The following ACACB variants were observed in gnomAD, a reference collection of about 807,000 sequenced individuals.
ACACB encodes the protein acetyl-CoA carboxylase 2.
A neutral mutation model predicts 278.8 loss-of-function variants in ACACB; 209 were observed. That is an observed-to-expected ratio of 0.75 (90% CI 0.67 to 0.84). The LOEUF (loss-of-function observed/expected upper bound fraction) is 0.84, where lower values mean the gene tolerates loss of function less well. ACACB is among the 40% of genes least tolerant of loss of function. ACACB has a pLI of 0.00. For missense variants in ACACB, 2,850 were observed against 3,269.0 expected, an observed-to-expected ratio of 0.87 and a Z score of 3.13; for synonymous variants, 1,174 against 1,285.6, an observed-to-expected ratio of 0.91 and a Z score of 1.86.
chr12:109,214,562 T>G (rs2045939390), intron 22 of ACACB, among the ~76,000 whole-genome samples: 1 of 152,200 alleles, frequency 6.6e-6, no homozygotes, highest in African/African-American at 2.4e-5. Context: ...ATTAATAAAT[T>G]AACTGAATTT....
At chr12:109,158,174 C>A (rs1356679556) in intron 2 of ACACB, among the ~76,000 whole-genome samples, 2 of 152,120 alleles carry the variant, frequency 1.3e-5, no homozygotes, top group Non-Finnish European at 2.9e-5. Flanking sequence ...TATAAACGGC[C>A]AGACAGTAAA....
chr12:109,112,431 G>T (rs2042322737), upstream of ACACB, among the ~76,000 whole-genome samples: 3 of 151,818 alleles, frequency 2.0e-5, no homozygotes, highest in South Asian at 6.2e-4. Context: ...AGCCAGGTGT[G>T]GGGGCTCACG....
chr12:109,208,916 C>T (rs993998915), intron 20 of ACACB, among the ~76,000 whole-genome samples: 1 of 152,158 alleles, frequency 6.6e-6, no homozygotes, highest in Admixed American at 6.5e-5. Flanking sequence ...TTTGATCCCC[C>T]ACACCATGCT....
At chr12:109,175,498 C>T (rs1386909484) in intron 7 of ACACB, among the ~76,000 whole-genome samples, 2 of 152,168 alleles carry the variant, frequency 1.3e-5, no homozygotes, top group African/African-American at 4.8e-5. Flanking sequence ...TCACAGCAGT[C>T]TTGACCTCCT....
Position 109,239,828 on chromosome 12 carries a change from A to C in ACACB, c.4663-2A>C. The C allele has an allele frequency of 1.9e-6, 3 of 1,610,032 alleles. No individual in the cohort carries two copies. Among genetic ancestry groups the C allele is most frequent in the Non-Finnish European group, 2.5e-6 (3 of 1,177,930 alleles). Reference sequence around the variant, plus strand: ...GCAGCTGCCCCTCCCACTCTTTGGCAGGAAGCCTCCTTCGAATACCTGCAG... The same window carrying C: ...GCAGCTGCCCCTCCCACTCTTTGGCCGGAAGCCTCCTTCGAATACCTGCAG... On this transcript the variant is annotated splice_acceptor_variant, in intron 34 of 52. Transcript: ENST00000338432. LOFTEE classifies it high-confidence loss of function.
chr12:109,258,109 C>T (rs2047277617), intron 45 of ACACB, among the ~76,000 whole-genome samples, 159 bp from the exon 46 acceptor site: 1 of 152,222 alleles, frequency 6.6e-6, no homozygotes, highest in African/African-American at 2.4e-5. Flanking sequence ...CCTTTCGAGG[C>T]TCTTACCATT....
At chr12:109,150,510 C>T (rs1290939941) in intron 2 of ACACB, among the ~76,000 whole-genome samples, 1 of 152,200 alleles carries the variant, frequency 6.6e-6, no homozygotes, top group Non-Finnish European at 1.5e-5. Context: ...CCACCATTTA[C>T]GACCATGTTG....
Position 109,175,984 on chromosome 12 carries a change from G to A in ACACB, c.1270G>A (p.Val424Ile), listed in dbSNP as rs2044270009. The A allele has an allele frequency of 6.2e-7, 1 of 1,614,172 alleles. No individual in the cohort carries two copies. The highest frequency in any genetic ancestry group is 2.2e-5 in the East Asian group (1 of 44,892). The part of the protein sequence containing the change: ...DDLQQGKRIS[V>I]PEDVYDKGCV... ...TCTGCAGCAGGGAAAAAGAATCAGTGTCCCAGAAGATGTTTATGACAAGGG... is the reference window on the plus strand; with the variant it reads ...TCTGCAGCAGGGAAAAAGAATCAGTATCCCAGAAGATGTTTATGACAAGGG... The change falls in exon 8 of 53, where the codon GTC becomes ATC. Residue 424 changes from valine (V) to isoleucine (I), a missense_variant. Physicochemically the swap from Val to Ile is conservative, Grantham distance 29. Transcript: ENST00000338432.
At chr12:109,262,582 T>C in intron 49 of ACACB, 113 bp downstream of exon 49, 1 of 623,738 alleles carries the variant, frequency 1.6e-6, no homozygotes, top group Non-Finnish European at 2.8e-6. Flanking sequence ...AAAATACAGC[T>C]ATAATAACTG....
chr12:109,151,455 A>T (rs73197473), intron 2 of ACACB, among the ~76,000 whole-genome samples: 2,812 of 152,164 alleles, frequency 0.018, 26 homozygotes, highest in East Asian at 0.028. Context: ...TACTTAATGT[A>T]ACACAGTCCC....
chr12:109,168,010 C>T lies in ACACB; in HGVS notation c.901C>T (p.Pro301Ser), dbSNP rs1292751431. The change falls in exon 4 of 53, where the codon CCC (proline) becomes TCC (serine). Residue 301 changes from proline to serine, a missense_variant. This residue lies in a region of ACACB where 2,265 missense variants were observed against 2,561.3 expected (regional missense o/e 0.88). Coordinates refer to ENST00000338432, the MANE Select transcript of ACACB (RefSeq NM_001093.4). ...CATCCGGTTTGTTGTGATGGTGACC[C>T]CCGAGGACCTTAAGGCCAACGCAGG... is the stretch of plus-strand genomic sequence containing the variant. ...RAIRFVVMVT[P>S]EDLKANAEYI... The T allele has an allele frequency of 7.4e-6, 12 of 1,612,890 alleles. No homozygotes were observed. The Admixed American group carries it at 2.0e-4, about 27-fold the overall frequency.
At chr12:109,235,701 T>G in intron 33 of ACACB, 54 bp downstream of exon 33, 1 of 1,526,610 alleles carries the variant, frequency 6.6e-7, no homozygotes. Context: ...TTTTATTTTT[T>G]AAGAGATGGG....
chr12:109,225,220 T>C (rs1376430629), intron 27 of ACACB, among the ~76,000 whole-genome samples: 1 of 152,220 alleles, frequency 6.6e-6, no homozygotes, highest in Non-Finnish European at 1.5e-5. Context: ...CTTGAACTGC[T>C]ACGCTCAAGC....
chr12:109,127,708 G>A (rs1290188916), intron 1 of ACACB, among the ~76,000 whole-genome samples: 2 of 152,116 alleles, frequency 1.3e-5, no homozygotes, highest in African/African-American at 2.4e-5. Flanking sequence ...TGCTGTCCCC[G>A]AACATTTGTT....
At chr12:109,163,885 A>T (rs2043816669) in intron 2 of ACACB, among the ~76,000 whole-genome samples, 1 of 152,216 alleles carries the variant, frequency 6.6e-6, no homozygotes, top group African/African-American at 2.4e-5. Context: ...CCTGACCTTA[A>T]GTGATCTTCC....
At chr12:109,182,562 G>T (rs1369672589) in intron 11 of ACACB, among the ~76,000 whole-genome samples, 1 of 152,026 alleles carries the variant, frequency 6.6e-6, no homozygotes, top group East Asian at 1.9e-4. Context: ...TACAGATAAG[G>T]TCTCACTATG....
At position 109,174,140 on chromosome 12, in the gene ACACB, A is replaced by C. The variant is rs774280400; in HGVS notation, c.1126A>C (p.Ser376Arg). Reference sequence around the variant, plus strand: ...TGTCCCCGATTCCTCAGGCCCTCCCAGTGAGGCCATGTGGGCCTTAGGAGA... The same window carrying C: ...TGTCCCCGATTCCTCAGGCCCTCCCCGTGAGGCCATGTGGGCCTTAGGAGA... ...KNGVAFLGPP[S>R]EAMWALGDKI... is the part of the protein sequence containing the mutation. Residue 376 changes from serine to arginine, a missense_variant, in exon 7 of 53, where the codon AGT becomes CGT. This residue lies in a region of ACACB where 2,265 missense variants were observed against 2,561.3 expected (regional missense o/e 0.88). Transcript: ENST00000338432. 6.2e-7 allele frequency: 1 copy of C among 1,611,282 alleles called. No homozygotes were observed. The highest frequency in any genetic ancestry group is 8.5e-7 in the Non-Finnish European group (1 of 1,178,940).
At chr12:109,248,518 G>A (rs2047009222) in intron 40 of ACACB, among the ~76,000 whole-genome samples, 4 of 151,366 alleles carry the variant, frequency 2.6e-5, no homozygotes, top group Non-Finnish European at 4.4e-5. Context: ...AACCACTGGC[G>A]TGAGTCCAAG....
At chr12:109,171,365 T>A (rs934243558) in intron 4 of ACACB, among the ~76,000 whole-genome samples, 1 of 151,892 alleles carries the variant, frequency 6.6e-6, no homozygotes, top group Non-Finnish European at 1.5e-5. Context: ...TTTTTTTTTT[T>A]ATTAGACAGA....
Sources: gnomAD v4.1 joint callset for allele counts (sites outside exome capture counted in the v4.1 genomes callset) on GRCh38, gnomAD v4.1.1 for gene constraint, gnomAD v4.1.1 regional missense constraint, MANE v1.5 for transcripts, NCBI Gene and HGNC (gene_info 2026-07-23, HGNC 2026-07-21) for gene names.